Variants in NEXMIF observed in about 807,000 individuals in gnomAD.
The protein encoded by NEXMIF is XLMR protein related to neurite extension.
NEXMIF carries 8 observed loss-of-function variants against 62.1 expected under a neutral mutation model. The ratio of observed to expected loss-of-function variants is 0.13; its 90% CI spans 0.08 to 0.23. The LOEUF (loss-of-function observed/expected upper bound fraction) is 0.23. Ranked by LOEUF, NEXMIF falls within the 10% of genes least tolerant of loss-of-function variation. NEXMIF has a pLI of 1.00. For synonymous variants in NEXMIF, 404 were observed against 416.6 expected, an observed-to-expected ratio of 0.97 and a Z score of 0.37; for missense variants, 976 against 1,113.3, an observed-to-expected ratio of 0.88 and a Z score of 1.75.
chrX:74,866,742 A>G (rs1404460847), intron 1 of NEXMIF, among the ~76,000 whole-genome samples: 1 of 112,706 alleles, frequency 8.9e-6, no homozygotes, highest in Non-Finnish European at 1.9e-5. Context: ...TTGGTTTTAT[A>G]TAGGGCAGTT....
At chrX:74,863,592 T>C in intron 1 of NEXMIF, among the ~76,000 whole-genome samples, 1 of 111,833 alleles carries the variant, frequency 8.9e-6, no homozygotes, top group Non-Finnish European at 1.9e-5. Flanking sequence ...GTTGAATCCC[T>C]GAATAGACCA....
chrX:74,885,026 C>A (rs2080685049), intron 1 of NEXMIF, among the ~76,000 whole-genome samples: 1 of 110,423 alleles, frequency 9.1e-6, no homozygotes, highest in Non-Finnish European at 1.9e-5. Flanking sequence ...GGAAACTGAA[C>A]AACCTGCTCC....
chrX:74,923,632 A>T (rs2080833948), intron 1 of NEXMIF, among the ~76,000 whole-genome samples: 1 of 112,106 alleles, frequency 8.9e-6, no homozygotes, highest in African/African-American at 3.2e-5. Flanking sequence ...AATGGTCGTA[A>T]GGAGTTCAGA....
In NEXMIF at chrX:74,741,065, A is replaced by G. The variant is rs1335391975; in HGVS notation, c.3492T>C (p.Gly1164=). Residue 1164 remains glycine (G), a synonymous_variant, in exon 3 of 4, where the codon GGT becomes GGC. Coordinates refer to ENST00000055682, the MANE Select transcript of NEXMIF (RefSeq NM_001008537.3). Reference sequence around the variant, plus strand: ...ACACTTTGTTGTTGGTACTAATTTGACCAGATGGATCATTAAATGTTGACA... The same window carrying G: ...ACACTTTGTTGTTGGTACTAATTTGGCCAGATGGATCATTAAATGTTGACA... ...PCLSTFNDPS[G]QISTNNKVSK... 1 of 1,211,157 alleles carries G rather than the reference A, an allele frequency of 8.3e-7. No homozygotes were observed. Among genetic ancestry groups the G allele is most frequent in the South Asian group, 1.8e-5 (1 of 56,954 alleles).
chrX:74,821,116 C>G (rs1469393965), intron 1 of NEXMIF, among the ~76,000 whole-genome samples: 1 of 111,194 alleles, frequency 9.0e-6, no homozygotes, highest in East Asian at 2.9e-4. Context: ...AAAAAAATCT[C>G]TCATACTTTA....
Position 74,833,169 on chromosome X carries a change from A to G in NEXMIF, c.-47-87472T>C, listed in dbSNP as rs1288539439. ...GATTAAGTTCCATGTTTCTTTGTTG[A>G]TTGTCTGGAACATCTGCCTAATGCT... On this transcript the variant is annotated intron_variant, in intron 1 of 3. Coordinates refer to ENST00000055682, the MANE Select transcript of NEXMIF (RefSeq NM_001008537.3). Among the ~76,000 whole-genome samples, 4 of 105,658 alleles carry G rather than the reference A, an allele frequency of 3.8e-5. No individual in the cohort carries two copies. The Admixed American group carries it at 4.1e-4, about 11-fold the overall frequency. The allele number at this position is 105,658 out of a possible 115,157, so 91.8% of individuals were successfully genotyped here. A position where few individuals can be genotyped will look rare whatever the true frequency, so the allele number is the denominator to read the frequency against.
At chrX:74,775,533 C>T (rs751649357) in intron 1 of NEXMIF, among the ~76,000 whole-genome samples, 2 of 112,081 alleles carry the variant, frequency 1.8e-5, no homozygotes, top group East Asian at 5.6e-4. Context: ...TTGAACACTA[C>T]CAAGATTGCT....
At chrX:74,762,028 C>T (rs1044482628) in intron 1 of NEXMIF, among the ~76,000 whole-genome samples, 21 of 110,915 alleles carry the variant, frequency 1.9e-4, no homozygotes, top group Admixed American at 8.7e-4. Flanking sequence ...AGGTTTGTTA[C>T]ATATGTATAC....
At chrX:74,857,039 T>C (rs1436274047) in intron 1 of NEXMIF, among the ~76,000 whole-genome samples, 5 of 112,346 alleles carry the variant, frequency 4.5e-5, no homozygotes, top group Non-Finnish European at 3.8e-5. Flanking sequence ...AGCTTTGCCA[T>C]CATCTGCTAA....
chrX:74,792,465 G>C (rs1426741313), intron 1 of NEXMIF, among the ~76,000 whole-genome samples: 1 of 107,084 alleles, frequency 9.3e-6, no homozygotes, highest in Non-Finnish European at 1.9e-5. Flanking sequence ...ATTTGGGGTG[G>C]AGAGTTCTGT....
intron 1 of NEXMIF, among the ~76,000 whole-genome samples, chrX:74,876,143 C>T (rs2080631962): frequency 9.0e-6 from 1 of 110,587 alleles, no homozygotes; most frequent in Non-Finnish European, 1.9e-5. Context: ...TATAAATTTC[C>T]CTCCACACAC....
chrX:74,918,470 ACATGACAAAT>A (rs1305638195), intron 1 of NEXMIF, among the ~76,000 whole-genome samples: 1 of 112,388 alleles, frequency 8.9e-6, no homozygotes, highest in Non-Finnish European at 1.9e-5. Flanking sequence ...GTCTGGAATA[ACATGACAAAT>A]ATTGGGGAGG....
chrX:74,912,992 C>A (rs1263415155), intron 1 of NEXMIF, among the ~76,000 whole-genome samples: 3 of 111,765 alleles, frequency 2.7e-5, no homozygotes, highest in Non-Finnish European at 5.6e-5. Context: ...CCAGATAAAA[C>A]AGAAAGTTTA....
In NEXMIF at chrX:74,742,261, C is replaced by T. The variant is rs1382088239; in HGVS notation, c.2296G>A (p.Gly766Arg). The T allele has an allele frequency of 1.7e-6, 2 of 1,211,641 alleles. No individual in the cohort carries two copies. Among genetic ancestry groups the T allele is most frequent in the Non-Finnish European group, 2.2e-6 (2 of 895,331 alleles). ...KANLKNEVIP[G>R]TSNSSRLSEF... is the part of the protein sequence containing the mutation. ...GATAGACGGGAACTGTTTGATGTCC[C>T]AGGAATAACTTCATTCTTTAAATTA... is the stretch of plus-strand genomic sequence containing the variant. The change falls in exon 3 of 4, where the codon GGG (glycine) becomes AGG (arginine). Residue 766 changes from glycine to arginine, a missense_variant. Physicochemically the swap from Gly to Arg is moderately radical, Grantham distance 125. Around this residue, in one of 5 missense-constraint regions of NEXMIF, gnomAD observed 639 missense variants for 694.5 expected, o/e 0.92. Coordinates refer to ENST00000055682, the MANE Select transcript of NEXMIF (RefSeq NM_001008537.3).
chrX:74,887,336 A>G (rs1272957012), intron 1 of NEXMIF, among the ~76,000 whole-genome samples: 1 of 111,240 alleles, frequency 9.0e-6, no homozygotes, highest in Admixed American at 9.6e-5. Context: ...TGCACAGCAA[A>G]AGAAACCACC....
intron 1 of NEXMIF, among the ~76,000 whole-genome samples, chrX:74,751,844 CTCCTTCCTTCCT>C: frequency 9.9e-6 from 1 of 101,152 alleles, no homozygotes; most frequent in Non-Finnish European, 2.0e-5. Flanking sequence ...CCTTCCTTCC[CTCCTTCCTTCCT>C]TCCTTTCCAG....
intron 1 of NEXMIF, among the ~76,000 whole-genome samples, chrX:74,840,920 C>A (rs1276671400): frequency 9.0e-6 from 1 of 111,663 alleles, no homozygotes; most frequent in Admixed American, 9.5e-5. Flanking sequence ...AATGTGATAC[C>A]TCCAGGTTTG....
chrX:74,890,835 T>G (rs1247968994), intron 1 of NEXMIF, among the ~76,000 whole-genome samples: 1 of 110,821 alleles, frequency 9.0e-6, no homozygotes, highest in African/African-American at 3.3e-5. Context: ...GACCAGGGAG[T>G]GGCACACGGG....
chrX:74,830,959 G>T (rs1481532214), intron 1 of NEXMIF, among the ~76,000 whole-genome samples: 1 of 102,205 alleles, frequency 9.8e-6, no homozygotes, highest in Non-Finnish European at 2.2e-5. Context: ...TGGTGGCATC[G>T]TTGTTTTTTT....
Sources: allele counts gnomAD v4.1 joint callset (sites outside exome capture counted in the v4.1 genomes callset), GRCh38; gene constraint gnomAD v4.1.1; regional missense constraint gnomAD v4.1.1; transcripts MANE v1.5; gene names NCBI Gene and HGNC (gene_info 2026-07-23, HGNC 2026-07-21).